Variants in EPHB1 observed in about 807,000 individuals in gnomAD.
EPHB1 encodes the protein ephrin type-B receptor 1.
Under a neutral mutation model 94.4 loss-of-function variants are expected in EPHB1, and 30 were observed. The observed-to-expected ratio is 0.32, with a 90% CI of 0.24 to 0.43. The LOEUF (loss-of-function observed/expected upper bound fraction) is 0.43. Ranked by LOEUF, EPHB1 falls within the 20% of genes least tolerant of loss-of-function variation. The pLI, the probability that EPHB1 is intolerant of heterozygous loss-of-function variation, is 1.00. For synonymous variants in EPHB1, 522 were observed against 489.1 expected (o/e 1.07, Z -0.89); for missense variants, 1,055 against 1,308.3 (o/e 0.81, Z 2.99).
At chr3:134,915,813 C>A (rs138930428) in intron 1 of EPHB1, among the ~76,000 whole-genome samples, 1 of 152,132 alleles carries the variant, frequency 6.6e-6, no homozygotes, top group African/African-American at 2.4e-5. Flanking sequence ...GTGAGTGTTA[C>A]ATCTCATAAA....
At chr3:135,240,276 G>T (rs1401562068) in intron 12 of EPHB1, among the ~76,000 whole-genome samples, 1 of 152,182 alleles carries the variant, frequency 6.6e-6, no homozygotes, top group African/African-American at 2.4e-5. Flanking sequence ...TTCTCAGCAG[G>T]ACCTGGCACA....
At chr3:134,811,535 G>A (rs986083217) in intron 1 of EPHB1, among the ~76,000 whole-genome samples, 8 of 151,870 alleles carry the variant, frequency 5.3e-5, no homozygotes, top group African/African-American at 1.5e-4. Context: ...CAATGCGCCC[G>A]GCCTAAGAAG....
intron 13 of EPHB1, among the ~76,000 whole-genome samples, chr3:135,241,712 C>T (rs1233988873): frequency 2.0e-5 from 3 of 152,232 alleles, no homozygotes; most frequent in Admixed American, 6.5e-5. Context: ...GGTTCCCATC[C>T]TGCTCTGCCT....
At chr3:134,977,163 G>C (rs960447463) in intron 3 of EPHB1, among the ~76,000 whole-genome samples, 4 of 152,172 alleles carry the variant, frequency 2.6e-5, no homozygotes, top group African/African-American at 9.7e-5. Flanking sequence ...CACTAGAGGA[G>C]GCACTTGTGC....
intron 4 of EPHB1, among the ~76,000 whole-genome samples, chr3:135,132,054 T>C (rs752985653): frequency 6.6e-6 from 1 of 152,238 alleles, no homozygotes; most frequent in Admixed American, 6.5e-5. Flanking sequence ...TAGCAGAATG[T>C]CTAAACACAT....
chr3:135,107,595 GA>G (rs1237575371), intron 4 of EPHB1, among the ~76,000 whole-genome samples: 1 of 152,046 alleles, frequency 6.6e-6, no homozygotes, highest in African/African-American at 2.4e-5. Context: ...CACCTGCTTG[GA>G]CCAAATCCCT....
At chr3:134,911,563 G>A (rs547483759) in intron 1 of EPHB1, among the ~76,000 whole-genome samples, 1 of 152,278 alleles carries the variant, frequency 6.6e-6, no homozygotes, top group East Asian at 1.9e-4. Context: ...CTCTGAAGAG[G>A]GGTGGCTGAG....
intron 1 of EPHB1, among the ~76,000 whole-genome samples, chr3:134,823,391 A>C (rs1352586123): frequency 6.6e-6 from 1 of 152,108 alleles, no homozygotes; most frequent in African/African-American, 2.4e-5. Context: ...TCATCCCCAT[A>C]CCCTAATGTC....
chr3:134,797,740 C>A (rs766192736), intron 1 of EPHB1, among the ~76,000 whole-genome samples: 2 of 152,184 alleles, frequency 1.3e-5, no homozygotes, highest in South Asian at 2.1e-4. Context: ...ACCCCCGGTG[C>A]GGTGGCTTCC....
intron 1 of EPHB1, among the ~76,000 whole-genome samples, chr3:134,844,039 G>T (rs1049467488): frequency 3.0e-4 from 46 of 152,218 alleles, no homozygotes; most frequent in African/African-American, 9.6e-4. Flanking sequence ...TCCCCTGAAT[G>T]ATGATGTTGT....
chr3:135,108,230 C>A (rs1340724795), intron 4 of EPHB1, among the ~76,000 whole-genome samples: 1 of 152,054 alleles, frequency 6.6e-6, no homozygotes, highest in Non-Finnish European at 1.5e-5. Context: ...CATTCACTGG[C>A]AGTATTGGAA....
At position 134,951,863 on chromosome 3, in the gene EPHB1, T is replaced by C; in HGVS notation, c.616T>C (p.Phe206Leu). 6.2e-7 allele frequency: 1 copy of C among 1,614,068 alleles called. No homozygotes were observed. The highest frequency in any genetic ancestry group is 8.5e-7 in the Non-Finnish European group (1 of 1,179,898). The change falls in exon 3 of 16, where the codon TTT (phenylalanine) becomes CTT (leucine). Residue 206 changes from phenylalanine (F) to leucine (L), a missense_variant. By Grantham distance (22) the Phe-to-Leu change is conservative (BLOSUM62 0). Transcript: ENST00000398015. This position sits in a 1 kb window ranked among gnomAD's most constrained non-coding sequence, Gnocchi z 4.5. ...CAGCATTGTGCAAAATTTTGCAGTGTTTCCAGAGACTATGACAGGGGCAGA... is the reference window on the plus strand; with the variant it reads ...CAGCATTGTGCAAAATTTTGCAGTGCTTCCAGAGACTATGACAGGGGCAGA... ...CPSIVQNFAV[F>L]PETMTGAEST...
At chr3:134,952,699 T>G (rs768221845) in intron 3 of EPHB1, among the ~76,000 whole-genome samples, 117 of 152,184 alleles carry the variant, frequency 7.7e-4, no homozygotes, top group Non-Finnish European at 1.4e-3. Flanking sequence ...AACTTTTGCT[T>G]CTAAATGACA....
chr3:135,222,042 T>C (rs1398752757), intron 12 of EPHB1, among the ~76,000 whole-genome samples: 1 of 152,206 alleles, frequency 6.6e-6, no homozygotes, highest in Non-Finnish European at 1.5e-5. Flanking sequence ...ACCAATGTGA[T>C]GCAAAGAGCA....
chr3:135,116,492 C>T (rs998859821), intron 4 of EPHB1, among the ~76,000 whole-genome samples: 1 of 152,174 alleles, frequency 6.6e-6, no homozygotes, highest in Admixed American at 6.5e-5. Context: ...TGGCCAGAGA[C>T]CAAGCCCAAA....
chr3:134,989,686 A>G (rs1469538970), intron 3 of EPHB1, among the ~76,000 whole-genome samples: 40 of 152,236 alleles, frequency 2.6e-4, no homozygotes, highest in Non-Finnish European at 1.5e-4. Context: ...TTAACACATT[A>G]ATTTAATTGT....
intron 3 of EPHB1, among the ~76,000 whole-genome samples, chr3:135,084,970 T>C (rs1404575): frequency 0.99 from 150,861 of 152,262 alleles, 74,750 homozygotes; most frequent in Middle Eastern, 1. Flanking sequence ...GATGAGTTCT[T>C]GCTGTGGCTC....
chr3:135,149,798 A>G (rs1375093082), intron 5 of EPHB1, among the ~76,000 whole-genome samples: 1 of 152,224 alleles, frequency 6.6e-6, no homozygotes, highest in African/African-American at 2.4e-5. Context: ...TGTCATTGCC[A>G]TGAATCTGAG....
At chr3:135,075,635 C>T (rs1341518992) in intron 3 of EPHB1, among the ~76,000 whole-genome samples, 1 of 152,106 alleles carries the variant, frequency 6.6e-6, no homozygotes, top group Non-Finnish European at 1.5e-5. Context: ...GGTGTGGTGG[C>T]TTATATGGCA....
Sources: allele counts gnomAD v4.1 joint callset (sites outside exome capture counted in the v4.1 genomes callset), GRCh38; gene constraint gnomAD v4.1.1; non-coding constraint Gnocchi (gnomAD v3.1); transcripts MANE v1.5; gene names NCBI Gene and HGNC (gene_info 2026-07-23, HGNC 2026-07-21).